Variants in FAM184A observed in about 807,000 individuals in gnomAD.
The protein encoded by FAM184A is protein FAM184A.
In FAM184A, 99 loss-of-function variants were observed where a neutral mutation model predicts 143.8. The observed-to-expected ratio is 0.69, with a 90% CI of 0.58 to 0.81. FAM184A has a LOEUF of 0.81. FAM184A is among the 40% of genes least tolerant of loss of function. The probability of loss-of-function intolerance (pLI) is 0.00; values close to 1 mark genes in which losing one functional copy is unlikely to be tolerated. For synonymous variants in FAM184A, 427 were observed against 446.4 expected, an observed-to-expected ratio of 0.96 and a Z score of 0.55; for missense variants, 1,217 against 1,310.5, an observed-to-expected ratio of 0.93 and a Z score of 1.10.
intron 1 of FAM184A, among the ~76,000 whole-genome samples, chr6:119,091,807 G>A (rs1788376248): frequency 1.3e-5 from 2 of 152,234 alleles, no homozygotes; most frequent in African/African-American, 4.8e-5. Context: ...TCTGCTGAAT[G>A]TGTGTTATTG....
chr6:119,042,252 G>A (rs1405090033), intron 1 of FAM184A, among the ~76,000 whole-genome samples: 2 of 152,170 alleles, frequency 1.3e-5, no homozygotes, highest in South Asian at 2.1e-4. Flanking sequence ...GGGAAGAAAG[G>A]GGGAATGCCT....
rs999840558 is a variant in FAM184A, at chr6:119,130,371, C to T, written c.-202+18707G>A. ...CAGACTCAGGGAATAGAAATAAATG[C>T]CCTAGATTCAATTGCCATTAGACAC... On this transcript the variant is annotated intron_variant, in intron 1 of 16. Coordinates refer to the FAM184A transcript ENST00000352896. 2.0e-5 allele frequency among the ~76,000 whole-genome samples: 3 copies of T among 152,116 alleles called. No individual in the cohort carries two copies. The South Asian group carries it at 6.2e-4, about 32-fold the overall frequency.
intron 1 of FAM184A, among the ~76,000 whole-genome samples, chr6:119,121,160 C>G (rs1022392897): frequency 2.6e-5 from 4 of 151,904 alleles, no homozygotes; most frequent in African/African-American, 7.3e-5. Flanking sequence ...GAGACAGGGT[C>G]TCACTCTGTC....
chr6:119,023,365 G>A (rs949110283), intron 2 of FAM184A, among the ~76,000 whole-genome samples: 1 of 151,920 alleles, frequency 6.6e-6, no homozygotes, highest in African/African-American at 2.4e-5. Flanking sequence ...GTGGACTTCC[G>A]GCATTTTTTT....
chr6:119,128,151 C>T (rs1789425443), intron 1 of FAM184A, among the ~76,000 whole-genome samples: 1 of 152,078 alleles, frequency 6.6e-6, no homozygotes, highest in African/African-American at 2.4e-5. Flanking sequence ...CTCTTTGTAG[C>T]AGTAAGGTAT....
upstream of FAM184A, among the ~76,000 whole-genome samples, chr6:119,083,516 G>A (rs571114101): frequency 4.6e-5 from 7 of 152,204 alleles, no homozygotes; most frequent in Admixed American, 4.6e-4. Flanking sequence ...AAAAAGCCAG[G>A]TCACCTCTTG....
At chr6:119,022,863 C>G in intron 3 of FAM184A, 82 bp downstream of exon 3, 1 of 1,534,524 alleles carries the variant, frequency 6.5e-7, no homozygotes, top group Non-Finnish European at 9.0e-7. Context: ...GGCGACAGAG[C>G]AAGACTCTGT....
At chr6:119,141,529 G>C (rs1772235941) in intron 1 of FAM184A, among the ~76,000 whole-genome samples, 1 of 152,022 alleles carries the variant, frequency 6.6e-6, no homozygotes, top group Non-Finnish European at 1.5e-5. Flanking sequence ...CTGTCGCCCA[G>C]GCAGTGGCGC....
intron 1 of FAM184A, among the ~76,000 whole-genome samples, chr6:119,071,947 C>T (rs909936469): frequency 3.3e-5 from 5 of 150,302 alleles, no homozygotes; most frequent in Non-Finnish European, 5.9e-5. Context: ...CTGCAACCTC[C>T]GCCTCCTGGG....
intron 5 of FAM184A, among the ~76,000 whole-genome samples, chr6:119,014,698 G>A (rs1785184793): frequency 6.6e-6 from 1 of 152,116 alleles, no homozygotes; most frequent in Admixed American, 6.5e-5. Context: ...CTCATTTCAA[G>A]AACTACCAGG....
intron 1 of FAM184A, among the ~76,000 whole-genome samples, chr6:119,144,788 G>A (rs685956): frequency 0.014 from 2,085 of 152,248 alleles, 43 homozygotes; most frequent in African/African-American, 0.048. Context: ...GCCAGCTCCC[G>A]TGACGTGCCC....
At chr6:119,064,140 T>C (rs1247107359) in intron 1 of FAM184A, among the ~76,000 whole-genome samples, 1 of 152,186 alleles carries the variant, frequency 6.6e-6, no homozygotes, top group Admixed American at 6.5e-5. Flanking sequence ...TACATACCAA[T>C]TGTCCTCTCA....
rs142552131 is a variant in FAM184A at position 119,054,744 on chromosome 6, A to G, written c.159+23397T>C. 6.2e-4 allele frequency among the ~76,000 whole-genome samples: 95 copies of G among 152,304 alleles called. 2 individuals are homozygous for G. Among genetic ancestry groups the G allele is most frequent in the African/African-American group, 1.5e-3 (64 of 41,570 alleles). On this transcript the variant is annotated intron_variant, in intron 1 of 17. Transcript: ENST00000338891. The stretch of plus-strand genomic sequence containing the variant: ...AGTGGCCCACCAAATCTGTGAAGTT[A>G]TATGTTACTGCTTAGGATAAAATTA...
rs1284140097 is a variant in FAM184A, at chr6:119,140,990, T to G, written c.-202+8088A>C. Among the ~76,000 whole-genome samples the G allele has an allele frequency of 2.6e-5, 4 of 152,346 alleles. No homozygotes were observed. In the East Asian group the frequency reaches 7.7e-4, roughly 29 times the overall value. On this transcript the variant is annotated intron_variant, in intron 1 of 16. Coordinates refer to the FAM184A transcript ENST00000352896. The stretch of plus-strand genomic sequence containing the variant: ...ACAACTGGAGATAAGCCACCTGATG[T>G]TCTGTCTTCTGGGATATGTGGAAGC...
chr6:118,974,598 G>A, intron 13 of FAM184A, 24 bp from the exon 14 acceptor site: 1 of 1,564,536 alleles, frequency 6.4e-7, no homozygotes, highest in Non-Finnish European at 8.7e-7. Flanking sequence ...TTTTAGTTAA[G>A]AAAATGTTAT....
intron 1 of FAM184A, among the ~76,000 whole-genome samples, chr6:119,105,066 T>C (rs1788745697): frequency 6.6e-6 from 1 of 152,184 alleles, no homozygotes; most frequent in Non-Finnish European, 1.5e-5. Context: ...AGAGATACGA[T>C]GACTAAATGT....
intron 16 of FAM184A, chr6:118,962,186 G>A: frequency 1.8e-6 from 1 of 545,324 alleles, no homozygotes; most frequent in Non-Finnish European, 3.3e-6. Flanking sequence ...AGGGCAGAAA[G>A]AATGAGGAAG....
chr6:119,025,979 A>C (rs1785621016), intron 1 of FAM184A, among the ~76,000 whole-genome samples: 1 of 152,198 alleles, frequency 6.6e-6, no homozygotes, highest in Non-Finnish European at 1.5e-5. Context: ...CAGTAACTCC[A>C]GATCCCACTC....
chr6:119,140,934 T>A (rs2114890436), intron 1 of FAM184A, among the ~76,000 whole-genome samples: 1 of 152,366 alleles, frequency 6.6e-6, no homozygotes, highest in African/African-American at 2.4e-5. Context: ...GCAAAATTAC[T>A]TATGCTATTA....
Sources: gnomAD v4.1 joint callset for allele counts (sites outside exome capture counted in the v4.1 genomes callset) on GRCh38, gnomAD v4.1.1 for gene constraint, MANE v1.5 for transcripts, NCBI Gene and HGNC (gene_info 2026-07-23, HGNC 2026-07-21) for gene names.